Variants in ASCC2 observed in about 807,000 individuals in gnomAD.
ASCC2 encodes the protein activating signal cointegrator 1 complex subunit 2.
ASCC2 carries 42 observed loss-of-function variants against 93.5 expected under a neutral mutation model. The ratio of observed to expected loss-of-function variants is 0.45; its 90% CI spans 0.35 to 0.58. The LOEUF is 0.58. Among genes scored for constraint, ASCC2 ranks in the 20% least tolerant of loss-of-function variants. The pLI, the probability that ASCC2 is intolerant of heterozygous loss-of-function variation, is 0.00. For missense variants in ASCC2, 859 were observed against 977.6 expected (o/e 0.88, Z 1.62); for synonymous variants, 364 against 384.2 (o/e 0.95, Z 0.62).
At chr22:29,827,948 G>GACACAC (rs5844874) in intron 2 of ASCC2, among the ~76,000 whole-genome samples, 1 of 74,354 alleles carries the variant, frequency 1.3e-5, no homozygotes, top group Admixed American at 1.5e-4. Flanking sequence ...TCATTCTTCT[G>GACACAC]ACACACACAC....
At chr22:29,808,065 G>T in intron 9 of ASCC2, 46 bp downstream of exon 9, 1 of 1,599,340 alleles carries the variant, frequency 6.3e-7, no homozygotes, top group Non-Finnish European at 8.6e-7. Context: ...CCCTGCTCGG[G>T]CCTCTCTGTC....
chr22:29,817,182 C>T (rs905068565), intron 5 of ASCC2, among the ~76,000 whole-genome samples: 1 of 152,192 alleles, frequency 6.6e-6, no homozygotes, highest in East Asian at 1.9e-4. Flanking sequence ...CGCACTTGCT[C>T]AGCACCTCCC....
Position 29,806,835 on chromosome 22 carries a change from G to A in ASCC2, c.978C>T (p.Ile326=). ...TGGGAAGGAGGCAGATCTGGTTCAG[G>A]ATGATGTGGAAAATCTCCATTAGCT... ...RKKLMEIFHI[I]LNQICLLPIL... The change falls in exon 10 of 20, where the codon ATC becomes ATT. Residue 326 remains isoleucine (I), a synonymous_variant. Coordinates refer to ENST00000307790, the MANE Select transcript of ASCC2 (RefSeq NM_032204.5). 1.9e-6 allele frequency: 3 copies of A among 1,614,028 alleles called. No individual in the cohort carries two copies. Among genetic ancestry groups the A allele is most frequent in the Non-Finnish European group, 2.5e-6 (3 of 1,179,902 alleles).
At chr22:29,815,618 T>C (rs549777863) in intron 6 of ASCC2, among the ~76,000 whole-genome samples, 49 of 152,354 alleles carry the variant, frequency 3.2e-4, no homozygotes, top group African/African-American at 1.0e-3. Flanking sequence ...TCTTTCATTT[T>C]TTATTTTCCG....
intron 18 of ASCC2, among the ~76,000 whole-genome samples, chr22:29,791,717 C>T (rs1453636291): frequency 6.6e-6 from 1 of 152,172 alleles, no homozygotes; most frequent in Admixed American, 6.5e-5. Flanking sequence ...CACACACACA[C>T]ACACAAAACT....
At chr22:29,804,509 G>A in intron 13 of ASCC2, 129 bp downstream of exon 13, 2 of 1,101,828 alleles carry the variant, frequency 1.8e-6, no homozygotes, top group Non-Finnish European at 1.3e-6. Flanking sequence ...GCTTGAGGCT[G>A]TCTATTCCCC....
Position 29,793,355 on chromosome 22 carries a change from C to A in ASCC2, c.1919+5G>T. The A allele has an allele frequency of 6.2e-7, 1 of 1,613,246 alleles. No individual in the cohort carries two copies. Among genetic ancestry groups the A allele is most frequent in the Non-Finnish European group, 8.5e-7 (1 of 1,180,024 alleles). ...CCTGGAACGCCACCCCCACTATGGCCTCACCTGCGGCTGATGAGCTCGTCA... is the reference window on the plus strand; with the variant it reads ...CCTGGAACGCCACCCCCACTATGGCATCACCTGCGGCTGATGAGCTCGTCA... On this transcript the variant is annotated splice_donor_5th_base_variant and intron_variant, in intron 17 of 19. Transcript: ENST00000307790.
intron 4 of ASCC2, among the ~76,000 whole-genome samples, chr22:29,824,219 T>A (rs1478566502): frequency 6.7e-6 from 1 of 149,666 alleles, no homozygotes; most frequent in African/African-American, 2.5e-5. Context: ...GTCCATATTA[T>A]AACACTTTTT....
intron 1 of ASCC2, among the ~76,000 whole-genome samples, chr22:29,835,152 C>T (rs2063617491): frequency 6.6e-6 from 1 of 152,168 alleles, no homozygotes; most frequent in Admixed American, 6.5e-5. Context: ...AATCCCAGCA[C>T]TTGGGAAGCC....
At chr22:29,829,700 GAA>G (rs547260199) in intron 2 of ASCC2, among the ~76,000 whole-genome samples, 1 of 145,422 alleles carries the variant, frequency 6.9e-6, no homozygotes, top group African/African-American at 2.5e-5. Flanking sequence ...CTCTGTCTGG[GAA>G]AAAAAAAAAA....
chr22:29,834,634 T>C (rs1288473615), intron 1 of ASCC2: 1 of 459,290 alleles, frequency 2.2e-6, no homozygotes, highest in Non-Finnish European at 4.5e-6. Context: ...ATAGATAATA[T>C]CCTCTGCTGC....
intron 18 of ASCC2, among the ~76,000 whole-genome samples, chr22:29,791,853 C>T (rs568962311): frequency 6.6e-6 from 1 of 152,220 alleles, no homozygotes; most frequent in Non-Finnish European, 1.5e-5. Context: ...CACTGCTCAG[C>T]GCAGTCCCCA....
intron 8 of ASCC2, among the ~76,000 whole-genome samples, chr22:29,812,528 C>T (rs1289758610): frequency 6.6e-6 from 1 of 152,220 alleles, no homozygotes; most frequent in Non-Finnish European, 1.5e-5. Context: ...CTCCCCACTG[C>T]CTACAGCATA....
chr22:29,827,478 C>T (rs568623985), intron 2 of ASCC2: 8 of 428,940 alleles, frequency 1.9e-5, no homozygotes, highest in Non-Finnish European at 3.4e-5. Flanking sequence ...GTGCCTTACG[C>T]GAGTTTCCAA....
At chr22:29,814,602 G>C in intron 7 of ASCC2, 55 bp downstream of exon 7, 2 of 1,440,788 alleles carry the variant, frequency 1.4e-6, no homozygotes, top group Non-Finnish European at 9.5e-7. Flanking sequence ...TGGGTAGCTA[G>C]GCCCTGGTTG....
In ASCC2 at chr22:29,804,392, G is replaced by A. The variant is rs1732304478; in HGVS notation, c.1353+246C>T. Among the ~76,000 whole-genome samples, 10 of 152,140 alleles carry A rather than the reference G, an allele frequency of 6.6e-5. No homozygotes were observed. In the South Asian group the frequency reaches 2.1e-3, roughly 32 times the overall value. On this transcript the variant is annotated intron_variant, in intron 13 of 19. Coordinates refer to ENST00000307790, the MANE Select transcript of ASCC2 (RefSeq NM_032204.5). ...AAGTTTCGTCTCTTCATTTTATAGA[G>A]GGGAAGCTAAGGCTTCGATAGTTGA... is the stretch of plus-strand genomic sequence containing the variant.
chr22:29,837,895 T>C (rs1274025755), intron 1 of ASCC2, among the ~76,000 whole-genome samples: 1 of 152,212 alleles, frequency 6.6e-6, no homozygotes, highest in East Asian at 1.9e-4. Context: ...CCACAAATAT[T>C]TGCTGAACGA....
intron 15 of ASCC2, among the ~76,000 whole-genome samples, chr22:29,795,097 G>A (rs957738230): frequency 2.6e-5 from 4 of 151,738 alleles, no homozygotes; most frequent in Non-Finnish European, 5.9e-5. Context: ...GCTAATTTTT[G>A]TATTTTGTTA....
Position 29,825,735 on chromosome 22 carries a change from G to GC in ASCC2, c.126dup (p.Pro43AlafsTer3). On this transcript the variant is annotated frameshift_variant, in exon 3 of 20. Coordinates refer to ENST00000307790, the MANE Select transcript of ASCC2 (RefSeq NM_032204.5). LOFTEE classifies it high-confidence loss of function. This position sits in a 1 kb window ranked among gnomAD's most constrained non-coding sequence, Gnocchi z 4.9. ...AGGGCGGGAATGTTGTCTTTAGGGG[G>GC]CGGTTTGTATAACACAAAATACCGG... 1 of 1,614,138 alleles carries GC rather than the reference G, an allele frequency of 6.2e-7. No individual in the cohort carries two copies. Among genetic ancestry groups the GC allele is most frequent in the Non-Finnish European group, 8.5e-7 (1 of 1,180,010 alleles).
Sources: allele counts gnomAD v4.1 joint callset (sites outside exome capture counted in the v4.1 genomes callset), GRCh38; gene constraint gnomAD v4.1.1; non-coding constraint Gnocchi (gnomAD v3.1); transcripts MANE v1.5; gene names NCBI Gene and HGNC (gene_info 2026-07-23, HGNC 2026-07-21).